FHOD3: variants seen among roughly 807,000 people sequenced by gnomAD.
FHOD3 encodes the protein FH1/FH2 domain-containing protein 3.
FHOD3 carries 90 observed loss-of-function variants against 173.0 expected under a neutral mutation model. The ratio of observed to expected loss-of-function variants is 0.52; its 90% CI spans 0.44 to 0.62. FHOD3 has a LOEUF of 0.62. Among genes scored for constraint, FHOD3 ranks in the 20% least tolerant of loss-of-function variants. The pLI, the probability that FHOD3 is intolerant of heterozygous loss-of-function variation, is 0.00. For missense variants in FHOD3, 1,945 were observed against 2,034.7 expected, an observed-to-expected ratio of 0.96 and a Z score of 0.85; for synonymous variants, 828 against 823.0, an observed-to-expected ratio of 1.01 and a Z score of -0.10.
chr18:36,767,128 AAC>A (rs1310698102), intron 27 of FHOD3, among the ~76,000 whole-genome samples: 6 of 152,312 alleles, frequency 3.9e-5, no homozygotes, highest in African/African-American at 1.4e-4. Flanking sequence ...CAGCAATTTC[AAC>A]AGTTTATTTT....
At chr18:36,452,225 C>T (rs920346196) in intron 3 of FHOD3, among the ~76,000 whole-genome samples, 7 of 152,060 alleles carry the variant, frequency 4.6e-5, no homozygotes, top group African/African-American at 1.7e-4. Flanking sequence ...GAGCCTTTTC[C>T]GTACTTGTAC....
At chr18:36,720,373 G>A (rs1317715342) in intron 19 of FHOD3, among the ~76,000 whole-genome samples, 2 of 151,740 alleles carry the variant, frequency 1.3e-5, no homozygotes, top group Non-Finnish European at 2.9e-5. Context: ...GAGTAGCTGG[G>A]ATTACAGGTG....
At position 36,347,069 on chromosome 18, in the gene FHOD3, A is replaced by T. The variant is rs369296881; in HGVS notation, c.166-8470A>T. Among the ~76,000 whole-genome samples, 12 of 152,330 alleles carry T rather than the reference A, an allele frequency of 7.9e-5. No individual in the cohort carries two copies. In the East Asian group the frequency reaches 1.2e-3, roughly 15 times the overall value. ...GGCATGGACACAGTGTCTCCCCAGG[A>T]CACAGTGTAGTGTGTGGCATGGAGA... On this transcript the variant is annotated intron_variant, in intron 1 of 28. Transcript: ENST00000590592.
chr18:36,634,368 G>A (rs534304344), intron 10 of FHOD3, among the ~76,000 whole-genome samples: 83 of 152,260 alleles, frequency 5.5e-4, no homozygotes, highest in African/African-American at 1.8e-3. Context: ...TTGACAGGAA[G>A]GAGGTGTGTT....
In FHOD3 at chr18:36,653,424, T is replaced by G; in HGVS notation, c.1721+8T>G. ...ATCTTTCTCTTCTAATAGGTGGGTGTCTTTATTTTCTTTCCCTTTTCTGTA... is the reference window on the plus strand; with the variant it reads ...ATCTTTCTCTTCTAATAGGTGGGTGGCTTTATTTTCTTTCCCTTTTCTGTA... On this transcript the variant is annotated splice_region_variant and intron_variant, in intron 13 of 28. Coordinates refer to ENST00000590592, the MANE Select transcript of FHOD3 (RefSeq NM_001281740.3). 2 of 1,511,072 alleles carry G rather than the reference T, an allele frequency of 1.3e-6. No individual in the cohort carries two copies. Among genetic ancestry groups the G allele is most frequent in the Non-Finnish European group, 1.8e-6 (2 of 1,127,234 alleles). The allele number at this position is 1,511,072 out of a possible 1,614,324, so 93.6% of individuals were successfully genotyped here. A position where few individuals can be genotyped will look rare whatever the true frequency, so the allele number is the denominator to read the frequency against.
intron 5 of FHOD3, among the ~76,000 whole-genome samples, chr18:36,556,060 C>T (rs2057867963): frequency 6.6e-6 from 1 of 151,952 alleles, no homozygotes; most frequent in African/African-American, 2.4e-5. Flanking sequence ...TAGGTTTAAA[C>T]CTGTCATTTT....
At chr18:36,459,944 G>A (rs2052452698) in intron 3 of FHOD3, among the ~76,000 whole-genome samples, 1 of 152,068 alleles carries the variant, frequency 6.6e-6, no homozygotes, top group African/African-American at 2.4e-5. Flanking sequence ...CTTCTTGGCT[G>A]TGACAGTTTC....
At chr18:36,444,688 G>T (rs1156995149) in intron 3 of FHOD3, among the ~76,000 whole-genome samples, 3 of 152,014 alleles carry the variant, frequency 2.0e-5, no homozygotes, top group Non-Finnish European at 4.4e-5. Context: ...ACAAAGGGTA[G>T]CATGCTATAG....
intron 2 of FHOD3, among the ~76,000 whole-genome samples, chr18:36,359,002 C>T (rs924330508): frequency 1.3e-5 from 2 of 152,132 alleles, no homozygotes; most frequent in Non-Finnish European, 2.9e-5. Context: ...AGGTTCTCTC[C>T]TAGATGTGTG....
chr18:36,462,315 T>C (rs1057330602), intron 3 of FHOD3, among the ~76,000 whole-genome samples: 2 of 151,938 alleles, frequency 1.3e-5, no homozygotes, highest in Non-Finnish European at 1.5e-5. Flanking sequence ...GTGTTTGTTT[T>C]GTTTTGCTTT....
At chr18:36,474,863 T>C (rs1222584256) in intron 3 of FHOD3, among the ~76,000 whole-genome samples, 1 of 152,080 alleles carries the variant, frequency 6.6e-6, no homozygotes, top group Non-Finnish European at 1.5e-5. Flanking sequence ...CTCTGGACTT[T>C]TGAAAGTTTG....
At chr18:36,636,269 T>G (rs2034875250) in intron 10 of FHOD3, among the ~76,000 whole-genome samples, 1 of 152,194 alleles carries the variant, frequency 6.6e-6, no homozygotes, top group Non-Finnish European at 1.5e-5. Flanking sequence ...TATAGCCCTC[T>G]GCAACTCCCA....
chr18:36,692,938 G>A, intron 16 of FHOD3: 1 of 498,018 alleles, frequency 2.0e-6, no homozygotes, highest in Non-Finnish European at 3.6e-6. Flanking sequence ...AAAAGAGCAA[G>A]ATAGGATTCT....
chr18:36,493,787 T>C (rs1329121207), intron 3 of FHOD3, among the ~76,000 whole-genome samples: 1 of 152,202 alleles, frequency 6.6e-6, no homozygotes, highest in East Asian at 1.9e-4. Context: ...AAATCTCCTC[T>C]TGAAACGTGG....
At chr18:36,569,132 A>G (rs1019078920) in intron 5 of FHOD3, among the ~76,000 whole-genome samples, 1 of 152,218 alleles carries the variant, frequency 6.6e-6, no homozygotes, top group African/African-American at 2.4e-5. Flanking sequence ...AATAAGACAC[A>G]TTAGTACTTA....
chr18:36,476,489 G>C (rs750935018), intron 3 of FHOD3, among the ~76,000 whole-genome samples: 1 of 152,188 alleles, frequency 6.6e-6, no homozygotes, highest in Non-Finnish European at 1.5e-5. Context: ...TGGGAGGCGG[G>C]GAAGGCATCC....
intron 10 of FHOD3, among the ~76,000 whole-genome samples, chr18:36,645,401 C>T (rs2035611101): frequency 6.6e-6 from 1 of 152,092 alleles, no homozygotes; most frequent in African/African-American, 2.4e-5. Context: ...GCACCTCAGC[C>T]TGGGTGACAG....
intron 1 of FHOD3, among the ~76,000 whole-genome samples, chr18:36,354,437 A>T (rs143704861): frequency 1.3e-5 from 2 of 152,308 alleles, no homozygotes; most frequent in East Asian, 1.9e-4. Context: ...TGAGAGAATC[A>T]ACTGACTTCC....
chr18:36,455,874 C>T (rs1258290367), intron 3 of FHOD3, among the ~76,000 whole-genome samples: 1 of 152,102 alleles, frequency 6.6e-6, no homozygotes, highest in African/African-American at 2.4e-5. Context: ...TTTGGTTCTT[C>T]CTTCCCTTCC....
Sources: gnomAD v4.1 joint callset for allele counts (sites outside exome capture counted in the v4.1 genomes callset) on GRCh38, gnomAD v4.1.1 for gene constraint, MANE v1.5 for transcripts, NCBI Gene and HGNC (gene_info 2026-07-23, HGNC 2026-07-21) for gene names.